Variants in ABCA8 observed in about 807,000 individuals in gnomAD.
ABCA8 encodes ABC-type organic anion transporter ABCA8.
In ABCA8, 177 loss-of-function variants were observed where a neutral mutation model predicts 192.3. The observed-to-expected ratio is 0.92, with a 90% CI of 0.81 to 1.04. The LOEUF is 1.04. Ranked by LOEUF, ABCA8 falls within the 50% of genes least tolerant of loss-of-function variation. ABCA8 has a pLI of 0.00. For missense variants in ABCA8, 1,915 were observed against 1,904.8 expected (o/e 1.01, Z -0.10); for synonymous variants, 642 against 690.2 (o/e 0.93, Z 1.09).
At chr17:68,894,712 G>A (rs1215029924) in intron 22 of ABCA8, 168 bp downstream of exon 22, 1 of 704,604 alleles carries the variant, frequency 1.4e-6, no homozygotes, top group Non-Finnish European at 2.2e-6. Context: ...TGTGCCAGTA[G>A]ACAATGATGG....
rs760889855 is a variant in ABCA8, at chr17:68,933,165, C to T, written c.570+3G>A. 41 of 1,600,836 alleles carry T rather than the reference C, an allele frequency of 2.6e-5. No individual in the cohort carries two copies. The South Asian group carries it at 4.5e-4, about 18-fold the overall frequency. The stretch of plus-strand genomic sequence containing the variant: ...TAGTTTGCTTTGAACATTTTGTACT[C>T]ACTTCTATAATAGCAGCATTAATGG... On this transcript the variant is annotated splice_donor_region_variant and intron_variant, in intron 6 of 39. Coordinates refer to ENST00000586539, the MANE Select transcript of ABCA8 (RefSeq NM_001288985.2).
At chr17:68,920,487 A>C (rs2067504126) in intron 13 of ABCA8, among the ~76,000 whole-genome samples, 2 of 152,186 alleles carry the variant, frequency 1.3e-5, no homozygotes. Flanking sequence ...AATGCCAAAT[A>C]GCAACTAATG....
intron 28 of ABCA8, 74 bp from the exon 29 acceptor site, chr17:68,883,956 A>G (rs2066396996): frequency 1.9e-5 from 18 of 931,016 alleles, no homozygotes; most frequent in Admixed American, 3.1e-5. Flanking sequence ...TACTAATAAT[A>G]ACCGAACTTC....
intron 17 of ABCA8, among the ~76,000 whole-genome samples, chr17:68,914,375 T>C (rs2067300320): frequency 6.6e-6 from 1 of 152,154 alleles, no homozygotes; most frequent in Admixed American, 6.5e-5. Context: ...GCAAATGATA[T>C]GATCTTATAT....
intron 19 of ABCA8, among the ~76,000 whole-genome samples, chr17:68,905,074 T>G (rs1373068): frequency 0.4 from 60,280 of 152,008 alleles, 13,035 homozygotes; most frequent in African/African-American, 0.57. Flanking sequence ...GTGGACTGAA[T>G]CTAATAAAAC....
At chr17:68,938,327 T>C (rs2068128653) in intron 4 of ABCA8, among the ~76,000 whole-genome samples, 1 of 152,152 alleles carries the variant, frequency 6.6e-6, no homozygotes, top group Non-Finnish European at 1.5e-5. Context: ...AGCAAGTGCA[T>C]GAACTGGATT....
At chr17:68,921,227 C>T (rs1386608162) in intron 13 of ABCA8, among the ~76,000 whole-genome samples, 155 bp downstream of exon 13, 1 of 152,070 alleles carries the variant, frequency 6.6e-6, no homozygotes, top group African/African-American at 2.4e-5. Context: ...GGAGGGATAG[C>T]ATTAGGAGAT....
chr17:68,953,693 T>C (rs2068634208), intron 1 of ABCA8, among the ~76,000 whole-genome samples: 2 of 152,070 alleles, frequency 1.3e-5, no homozygotes, highest in South Asian at 4.2e-4. Flanking sequence ...TGGATACTTT[T>C]AAGAGAGCTG....
chr17:68,937,133 A>T lies in ABCA8; in HGVS notation c.302-18T>A. On this transcript the variant is annotated intron_variant, in intron 4 of 39. Transcript: ENST00000586539. The stretch of plus-strand genomic sequence containing the variant: ...CTCTTTACCTTTTGTTACAAGAAGG[A>T]ATATTATTGTTAGTAAATTACTAGG... The T allele has an allele frequency of 3.2e-6, 5 of 1,566,056 alleles. No individual in the cohort carries two copies. The highest frequency in any genetic ancestry group is 1.4e-5 in the African/African-American group (1 of 72,064).
chr17:68,942,072 A>T (rs757997789), intron 2 of ABCA8, 33 bp from the exon 3 acceptor site: 2 of 1,484,414 alleles, frequency 1.3e-6, no homozygotes, highest in Admixed American at 1.9e-5. Context: ...AGATAAAATT[A>T]ATATGAAGTT....
intron 19 of ABCA8, among the ~76,000 whole-genome samples, chr17:68,903,957 TC>T (rs2066984642): frequency 1.3e-5 from 2 of 152,140 alleles, no homozygotes; most frequent in Non-Finnish European, 2.9e-5. Context: ...TTGTGTGTTC[TC>T]TATAATCTCT....
intron 26 of ABCA8, among the ~76,000 whole-genome samples, chr17:68,886,474 G>A (rs943224304): frequency 2.0e-5 from 3 of 152,124 alleles, no homozygotes. Context: ...TCTTTTAAAA[G>A]AAATCTCTGC....
intron 28 of ABCA8, among the ~76,000 whole-genome samples, 183 bp from the exon 29 acceptor site, chr17:68,884,065 G>A (rs111938980): frequency 0.027 from 4,107 of 152,160 alleles, 163 homozygotes; most frequent in African/African-American, 0.094. Flanking sequence ...TTATAGAAAC[G>A]TAGGAAACAA....
At chr17:68,914,716 C>T (rs2067311711) in intron 17 of ABCA8, among the ~76,000 whole-genome samples, 4 of 152,068 alleles carry the variant, frequency 2.6e-5, no homozygotes, top group Admixed American at 1.3e-4. Flanking sequence ...GTTCATACTA[C>T]CCAAAGCAAT....
chr17:68,903,621 G>T, intron 19 of ABCA8, 122 bp from the exon 20 acceptor site: 1 of 799,068 alleles, frequency 1.3e-6, no homozygotes, highest in Non-Finnish European at 2.0e-6. Flanking sequence ...TGGTTTTGCT[G>T]GTTACTGCCT....
At chr17:68,918,672 AC>A in intron 14 of ABCA8, 126 bp from the exon 15 acceptor site, 3 of 927,598 alleles carry the variant, frequency 3.2e-6, no homozygotes, top group Non-Finnish European at 4.5e-6. Context: ...GGTGGCTCAT[AC>A]CCATAGTCTC....
intron 22 of ABCA8, among the ~76,000 whole-genome samples, chr17:68,894,531 C>T (rs1216641426): frequency 2.0e-5 from 3 of 152,040 alleles, no homozygotes; most frequent in African/African-American, 2.4e-5. Flanking sequence ...TTTAGGACAC[C>T]GGATGTCTTG....
In ABCA8 at chr17:68,927,950, C is replaced by T. The variant is rs750917885; in HGVS notation, c.1239G>A (p.Leu413=). 1 of 1,605,600 alleles carries T rather than the reference C, an allele frequency of 6.2e-7. No individual in the cohort carries two copies. Among genetic ancestry groups the T allele is most frequent in the Non-Finnish European group, 8.5e-7 (1 of 1,177,096 alleles). Reference sequence around the variant, plus strand: ...TTTTTTCAAAGTAAATCGCCAATGCCAGATAGAGGCAAGTGTCAAATGCCA... The same window carrying T: ...TTTTTTCAAAGTAAATCGCCAATGCTAGATAGAGGCAAGTGTCAAATGCCA... ...FMLAFDTCLY[L]ALAIYFEKIL... The change falls in exon 10 of 40, where the codon CTG becomes CTA. Residue 413 remains leucine (L), a synonymous_variant. Transcript: ENST00000586539.
At chr17:68,893,205 G>T (rs948244193) in intron 23 of ABCA8, among the ~76,000 whole-genome samples, 2 of 151,990 alleles carry the variant, frequency 1.3e-5, no homozygotes, top group African/African-American at 4.8e-5. Context: ...TACGTACAAG[G>T]TATTTATAAA....
Sources: gnomAD v4.1 joint callset for allele counts (sites outside exome capture counted in the v4.1 genomes callset) on GRCh38, gnomAD v4.1.1 for gene constraint, MANE v1.5 for transcripts, NCBI Gene and HGNC (gene_info 2026-07-23, HGNC 2026-07-21) for gene names.